The following PALM2AKAP2 variants were observed in gnomAD, a reference collection of about 807,000 sequenced individuals.
PALM2AKAP2 encodes the protein PALM2-AKAP2 fusion protein.
Under a neutral mutation model 71.5 loss-of-function variants are expected in PALM2AKAP2, and 37 were observed. The observed-to-expected ratio is 0.52, with a 90% confidence interval of 0.40 to 0.68. The LOEUF (loss-of-function observed/expected upper bound fraction) is 0.68, where lower values mean the gene tolerates loss of function less well. Among genes scored for constraint, PALM2AKAP2 ranks in the 30% least tolerant of loss-of-function variants. The probability of loss-of-function intolerance (pLI) is 0.00; values close to 1 mark genes in which losing one functional copy is unlikely to be tolerated. For missense variants in PALM2AKAP2, 1,224 were observed against 1,191.8 expected (o/e 1.03, Z -0.40); for synonymous variants, 468 against 478.8 (o/e 0.98, Z 0.29).
At chr9:109,947,410 T>G (rs570316273) in intron 6 of PALM2AKAP2, among the ~76,000 whole-genome samples, 1 of 152,178 alleles carries the variant, frequency 6.6e-6, no homozygotes. Context: ...AAAAACAGAC[T>G]ATTTCTCTTT....
intron 1 of PALM2AKAP2, among the ~76,000 whole-genome samples, chr9:109,730,506 C>A (rs1312499959): frequency 1.3e-5 from 2 of 152,146 alleles, no homozygotes; most frequent in African/African-American, 2.4e-5. Context: ...AAGGATTGGT[C>A]AGGAACATAC....
At chr9:109,745,245 A>G (rs761083205) in intron 1 of PALM2AKAP2, among the ~76,000 whole-genome samples, 9 of 152,124 alleles carry the variant, frequency 5.9e-5, no homozygotes, top group Non-Finnish European at 1.2e-4. Context: ...CTAGCTACTC[A>G]GGAGGCTGAG....
chr9:109,909,016 G>T (rs1237244852), intron 3 of PALM2AKAP2, among the ~76,000 whole-genome samples: 1 of 152,190 alleles, frequency 6.6e-6, no homozygotes, highest in African/African-American at 2.4e-5. Context: ...GCGTCACAGG[G>T]CAAAATGAAG....
At position 109,880,631 on chromosome 9, in the gene PALM2AKAP2, G is replaced by T. The variant is rs770532694; in HGVS notation, c.207G>T (p.Gln69His). The stretch of plus-strand genomic sequence containing the variant: ...AAGAGGAGGAAGCCAGGAGGCGGCA[G>T]TCTGAAGAGGATGAGTTCAGAGTCA... The change falls in exon 3 of 10, where the codon CAG (glutamine) becomes CAT (histidine). Residue 69 changes from glutamine to histidine, a missense_variant. Gln to His is a conservative substitution (Grantham distance 24, BLOSUM62 0). Transcript: ENST00000302798. The T allele has an allele frequency of 6.8e-6, 11 of 1,613,984 alleles. No homozygotes were observed. The Admixed American group carries it at 1.8e-4, about 27-fold the overall frequency.
chr9:109,794,086 C>T (rs1827185374), intron 1 of PALM2AKAP2, among the ~76,000 whole-genome samples: 1 of 152,214 alleles, frequency 6.6e-6, no homozygotes, highest in African/African-American at 2.4e-5. Flanking sequence ...ACTATTGCCT[C>T]ATTGCTTACA....
At chr9:110,145,891 C>CTTTTTTTTTTTTTT (rs61137720) in intron 2 of PALM2AKAP2, among the ~76,000 whole-genome samples, 1 of 64,454 alleles carries the variant, frequency 1.6e-5, no homozygotes, top group Non-Finnish European at 2.7e-5. Flanking sequence ...CCTCACTCTT[C>CTTTTTTTTTTTTTT]TTTTTTTTTT....
At chr9:109,702,140 G>A (rs996032227) in intron 1 of PALM2AKAP2, among the ~76,000 whole-genome samples, 8 of 152,150 alleles carry the variant, frequency 5.3e-5, no homozygotes. Context: ...TACAGTGTTG[G>A]TGGGACTGTA....
rs140234906 is a variant in PALM2AKAP2, at chr9:110,162,130, G to A, written c.2748+5633G>A. 154 of 1,613,852 alleles carry A rather than the reference G, an allele frequency of 9.5e-5. No individual in the cohort carries two copies. The highest frequency in any genetic ancestry group is 1.6e-4 in the South Asian group (15 of 91,082). ...GTTACTGTCTTGCAAGGTGACTTCC[G>A]AGGTACTTTTCAATTTGTTTGTCTT... On this transcript the variant is annotated intron_variant, in intron 3 of 3. Coordinates refer to ENST00000374525, the Ensembl canonical transcript of PALM2AKAP2.
intron 1 of PALM2AKAP2, among the ~76,000 whole-genome samples, chr9:109,743,204 G>A (rs1337209791): frequency 1.3e-5 from 2 of 152,168 alleles, no homozygotes; most frequent in Non-Finnish European, 2.9e-5. Flanking sequence ...CTCCCTTGAA[G>A]CATGTGTAAA....
chr9:109,975,765 G>A (rs1461547091), intron 6 of PALM2AKAP2, among the ~76,000 whole-genome samples: 3 of 152,140 alleles, frequency 2.0e-5, no homozygotes, highest in African/African-American at 7.2e-5. Context: ...AAAAATTGTG[G>A]TTCACAGCCA....
At chr9:109,871,682 G>A (rs937054829) in intron 2 of PALM2AKAP2, among the ~76,000 whole-genome samples, 1 of 152,082 alleles carries the variant, frequency 6.6e-6, no homozygotes, top group Non-Finnish European at 1.5e-5. Flanking sequence ...CAACCTGTGG[G>A]TAAAATGAAA....
chr9:110,024,825 GTTTTTTTTT>G (rs879042144), intron 7 of PALM2AKAP2: 1 of 357,956 alleles, frequency 2.8e-6, no homozygotes, highest in Non-Finnish European at 5.1e-6. Flanking sequence ...TGGGTTTTTT[GTTTTTTTTT>G]TTTAACAGCC....
chr9:109,998,885 G>A (rs1588051227), intron 6 of PALM2AKAP2, among the ~76,000 whole-genome samples: 1 of 152,132 alleles, frequency 6.6e-6, no homozygotes, highest in Non-Finnish European at 1.5e-5. Flanking sequence ...ACTTTGTAGA[G>A]GAGGCTTCTG....
intron 6 of PALM2AKAP2, among the ~76,000 whole-genome samples, chr9:109,938,301 A>T (rs1831279079): frequency 6.6e-6 from 1 of 152,226 alleles, no homozygotes; most frequent in African/African-American, 2.4e-5. Flanking sequence ...ATATGTATCC[A>T]TGAAAACGAA....
At chr9:109,928,814 G>A (rs1006917904) in intron 5 of PALM2AKAP2, among the ~76,000 whole-genome samples, 6 of 151,976 alleles carry the variant, frequency 3.9e-5, no homozygotes, top group Non-Finnish European at 5.9e-5. Context: ...TGGGACTACA[G>A]ACACACACCA....
chr9:109,929,177 T>TG (rs1405616746), intron 5 of PALM2AKAP2, among the ~76,000 whole-genome samples: 1 of 148,662 alleles, frequency 6.7e-6, no homozygotes, highest in Non-Finnish European at 1.5e-5. Flanking sequence ...TAGTTTTTTT[T>TG]TTTTTGTTTC....
chr9:109,796,259 A>G (rs1827249150), intron 1 of PALM2AKAP2, among the ~76,000 whole-genome samples: 1 of 152,230 alleles, frequency 6.6e-6, no homozygotes, highest in Admixed American at 6.5e-5. Context: ...ACTGTGATAG[A>G]TAATGTGCTT....
upstream of PALM2AKAP2, among the ~76,000 whole-genome samples, chr9:109,775,292 A>T (rs1829333173): frequency 2.0e-5 from 3 of 152,226 alleles, no homozygotes. Flanking sequence ...CCAATTGCTC[A>T]TTTTCAATCT....
At chr9:109,900,221 C>A (rs1180184500) in intron 3 of PALM2AKAP2, among the ~76,000 whole-genome samples, 1 of 152,178 alleles carries the variant, frequency 6.6e-6, no homozygotes, top group Non-Finnish European at 1.5e-5. Context: ...AGATTGTTTT[C>A]TTGACATTTA....
Sources: gnomAD v4.1 joint callset for allele counts (sites outside exome capture counted in the v4.1 genomes callset) on GRCh38, gnomAD v4.1.1 for gene constraint, MANE v1.5 for transcripts, NCBI Gene and HGNC (gene_info 2026-07-23, HGNC 2026-07-21) for gene names.